The following EFNA5 variants were observed in gnomAD, a reference collection of about 807,000 sequenced individuals.
The protein encoded by EFNA5 is ephrin A5.
Under a neutral mutation model 22.9 loss-of-function variants are expected in EFNA5, and 5 were observed. The observed-to-expected ratio is 0.22, with a 90% CI of 0.11 to 0.46. The LOEUF (loss-of-function observed/expected upper bound fraction) is 0.46, where lower values mean the gene tolerates loss of function less well. EFNA5 is among the 20% of genes least tolerant of loss of function. The pLI is 0.99. For synonymous variants in EFNA5, 113 were observed against 112.2 expected, an observed-to-expected ratio of 1.01 and a Z score of -0.04; for missense variants, 237 against 293.3, an observed-to-expected ratio of 0.81 and a Z score of 1.40.
chr5:107,387,871 G>T, intron 2 of EFNA5, 100 bp from the exon 3 acceptor site: 1 of 851,096 alleles, frequency 1.2e-6, no homozygotes, highest in Non-Finnish European at 1.8e-6. Context: ...ATTCTTTCCT[G>T]ACTTGAACAA....
chr5:107,531,906 A>G (rs2112452394), intron 1 of EFNA5, among the ~76,000 whole-genome samples: 1 of 152,342 alleles, frequency 6.6e-6, no homozygotes, highest in African/African-American at 2.4e-5. Context: ...TGAATTACTG[A>G]GTTCTACAAA....
In EFNA5 at chr5:107,552,909, T is replaced by C. The variant is rs765588053; in HGVS notation, c.125+117580A>G. Among the ~76,000 whole-genome samples, 3 of 152,338 alleles carry C rather than the reference T, an allele frequency of 2.0e-5. No individual in the cohort carries two copies. The South Asian group carries it at 6.2e-4, about 32-fold the overall frequency. On this transcript the variant is annotated intron_variant, in intron 1 of 4. Coordinates refer to ENST00000333274, the MANE Select transcript of EFNA5 (RefSeq NM_001962.3). ...AATAATTTTTATAAGCTGTAACATG[T>C]GGGCAATAGTAATTTACCTGTGAGG...
chr5:107,606,538 A>C (rs1365391884), intron 1 of EFNA5, among the ~76,000 whole-genome samples: 1 of 144,082 alleles, frequency 6.9e-6, no homozygotes, highest in African/African-American at 2.6e-5. Context: ...TTGCACGTAC[A>C]ACACACACAC....
At position 107,634,554 on chromosome 5, in the gene EFNA5, T is replaced by C. The variant is rs1750332735; in HGVS notation, c.125+35935A>G. 3.4e-5 allele frequency among the ~76,000 whole-genome samples: 4 copies of C among 118,880 alleles called. No individual in the cohort carries two copies. The South Asian group carries it at 7.9e-4, about 23-fold the overall frequency. 78.0% of individuals were successfully genotyped at this position (118,880 alleles called of 152,430 possible). ...GTTCACAACAAAGAGGAAACTTTCA[T>C]ATGTTCAAAAACTTCCAGGAAAACA... On this transcript the variant is annotated intron_variant, in intron 1 of 4. Coordinates refer to ENST00000333274, the MANE Select transcript of EFNA5 (RefSeq NM_001962.3).
intron 1 of EFNA5, among the ~76,000 whole-genome samples, chr5:107,441,231 G>A (rs1749248674): frequency 6.6e-6 from 1 of 152,092 alleles, no homozygotes; most frequent in Non-Finnish European, 1.5e-5. Context: ...CATGGTCACT[G>A]AAAGTACTGG....
At chr5:107,464,196 C>G (rs192146509) in intron 1 of EFNA5, among the ~76,000 whole-genome samples, 1 of 152,160 alleles carries the variant, frequency 6.6e-6, no homozygotes, top group East Asian at 1.9e-4. Flanking sequence ...AATTCAGCCC[C>G]GGGACCAGCA....
intron 1 of EFNA5, among the ~76,000 whole-genome samples, chr5:107,456,209 C>A (rs935229149): frequency 3.3e-5 from 5 of 152,080 alleles, no homozygotes. Flanking sequence ...ATATATCAAT[C>A]TAAAGTTAAT....
At chr5:107,497,784 C>T (rs1407898675) in intron 1 of EFNA5, among the ~76,000 whole-genome samples, 1 of 152,110 alleles carries the variant, frequency 6.6e-6, no homozygotes, top group African/African-American at 2.4e-5. Flanking sequence ...AAGCTTTTTC[C>T]TTTCTTCCAC....
Position 107,500,996 on chromosome 5 carries a change from C to G in EFNA5, c.126-73487G>C, listed in dbSNP as rs144255560. ...ATTCACAGTGGAGTCAGCTCCAGCTCCTAACTCTTACTATTTATTCATACC... is the reference window on the plus strand; with the variant it reads ...ATTCACAGTGGAGTCAGCTCCAGCTGCTAACTCTTACTATTTATTCATACC... On this transcript the variant is annotated intron_variant, in intron 1 of 4. Transcript: ENST00000333274. 4.4e-3 allele frequency among the ~76,000 whole-genome samples: 676 copies of G among 152,260 alleles called. 9 individuals carry two copies. Among genetic ancestry groups the G allele is most frequent in the African/African-American group, 0.015 (631 of 41,534 alleles).
At chr5:107,469,496 G>A (rs1042433749) in intron 1 of EFNA5, among the ~76,000 whole-genome samples, 6 of 152,144 alleles carry the variant, frequency 3.9e-5, no homozygotes, top group Non-Finnish European at 5.9e-5. Flanking sequence ...AGGCAGTTCA[G>A]TATATTGTAA....
chr5:107,601,338 C>T (rs962998679), intron 1 of EFNA5, among the ~76,000 whole-genome samples: 1 of 152,156 alleles, frequency 6.6e-6, no homozygotes, highest in Non-Finnish European at 1.5e-5. Flanking sequence ...AGGAAGATAA[C>T]GTAACCCATA....
chr5:107,617,474 AAG>A (rs779781581), intron 1 of EFNA5, among the ~76,000 whole-genome samples: 37 of 152,166 alleles, frequency 2.4e-4, no homozygotes, highest in Admixed American at 5.9e-4. Flanking sequence ...GAAGCAGGTA[AAG>A]AGTCACCACC....
chr5:107,456,600 A>T (rs1458470472), intron 1 of EFNA5, among the ~76,000 whole-genome samples: 1 of 152,150 alleles, frequency 6.6e-6, no homozygotes, highest in Non-Finnish European at 1.5e-5. Flanking sequence ...TTTGAAACCA[A>T]GTGCTGTTGC....
chr5:107,418,383 C>T (rs1748563017), intron 2 of EFNA5, among the ~76,000 whole-genome samples: 1 of 152,190 alleles, frequency 6.6e-6, no homozygotes, highest in Non-Finnish European at 1.5e-5. Flanking sequence ...AGAATTACTG[C>T]TTCCCTGTGA....
chr5:107,456,144 T>C (rs974780320), intron 1 of EFNA5, among the ~76,000 whole-genome samples: 1 of 152,126 alleles, frequency 6.6e-6, no homozygotes, highest in Non-Finnish European at 1.5e-5. Context: ...AGAGGGCTAA[T>C]TAAGAGCTCT....
chr5:107,383,760 G>A (rs1053549831), intron 4 of EFNA5, among the ~76,000 whole-genome samples: 1 of 152,154 alleles, frequency 6.6e-6, no homozygotes. Context: ...CTCAGTGAGG[G>A]CTATCCATTA....
chr5:107,509,729 G>A (rs1335313082), intron 1 of EFNA5, among the ~76,000 whole-genome samples: 1 of 152,048 alleles, frequency 6.6e-6, no homozygotes, highest in Non-Finnish European at 1.5e-5. Context: ...CTGGAATACG[G>A]CCTTCACGAG....
intron 1 of EFNA5, among the ~76,000 whole-genome samples, chr5:107,558,197 A>AGCCT (rs1287851767): frequency 6.6e-6 from 1 of 152,168 alleles, no homozygotes; most frequent in Non-Finnish European, 1.5e-5. Flanking sequence ...TTCGAAGTTA[A>AGCCT]GCCTAAAACT....
chr5:107,546,375 G>A (rs1244976005), intron 1 of EFNA5, among the ~76,000 whole-genome samples: 2 of 152,118 alleles, frequency 1.3e-5, no homozygotes, highest in East Asian at 3.9e-4. Context: ...AAACAGCTAT[G>A]AGCGGAAATG....
Sources: gnomAD v4.1 joint callset for allele counts (sites outside exome capture counted in the v4.1 genomes callset) on GRCh38, gnomAD v4.1.1 for gene constraint, MANE v1.5 for transcripts, NCBI Gene and HGNC (gene_info 2026-07-23, HGNC 2026-07-21) for gene names.